The following PKHD1 variants were observed in gnomAD, a reference collection of about 807,000 sequenced individuals.
PKHD1 encodes PKHD1 ciliary IPT domain containing fibrocystin/polyductin, also known as fibrocystin.
A neutral mutation model predicts 412.0 loss-of-function variants in PKHD1; 291 were observed. The ratio of observed to expected loss-of-function variants is 0.71; its 90% CI spans 0.64 to 0.78. The LOEUF (loss-of-function observed/expected upper bound fraction) is 0.78, where lower values mean the gene tolerates loss of function less well. Among genes scored for constraint, PKHD1 ranks in the 30% least tolerant of loss-of-function variants. PKHD1 has a pLI of 0.00. For missense variants in PKHD1, 4,825 were observed against 4,950.7 expected, an observed-to-expected ratio of 0.97 and a Z score of 0.76; for synonymous variants, 1,777 against 1,821.5, an observed-to-expected ratio of 0.98 and a Z score of 0.62.
chr6:51,889,498 A>G (rs891384060), intron 43 of PKHD1, among the ~76,000 whole-genome samples: 6 of 152,246 alleles, frequency 3.9e-5, no homozygotes, highest in Non-Finnish European at 7.3e-5. Flanking sequence ...GATAAAAAAT[A>G]AAATATTTTA....
intron 60 of PKHD1, among the ~76,000 whole-genome samples, chr6:51,701,364 C>G (rs1047204663): frequency 1.3e-5 from 2 of 152,084 alleles, no homozygotes; most frequent in African/African-American, 2.4e-5. Flanking sequence ...GCCAGTCAAT[C>G]ATTCACAGAT....
At chr6:51,917,196 GA>G (rs1783958471) in intron 37 of PKHD1, among the ~76,000 whole-genome samples, 8 of 55,106 alleles carry the variant, frequency 1.5e-4, no homozygotes, top group African/African-American at 3.9e-4. Context: ...AGGTGGGGGG[GA>G]GAGAGAGAGA....
chr6:51,839,837 C>T (rs1769859845), intron 50 of PKHD1, among the ~76,000 whole-genome samples: 1 of 151,712 alleles, frequency 6.6e-6, no homozygotes, highest in African/African-American at 2.4e-5. Context: ...TCACTCAGGC[C>T]ACATTTATCT....
chr6:52,017,410 C>T lies in PKHD1; in HGVS notation c.5600G>A (p.Ser1867Asn). 1 of 1,603,458 alleles carries T rather than the reference C, an allele frequency of 6.2e-7. No individual in the cohort carries two copies. The highest frequency in any genetic ancestry group is 8.5e-7 in the Non-Finnish European group (1 of 1,170,272). The change falls in exon 34 of 67, where the codon AGC (serine) becomes AAC (asparagine). Residue 1867 changes from serine to asparagine, a missense_variant and splice_region_variant. By Grantham distance (46) the Ser-to-Asn change is conservative (BLOSUM62 1). Transcript: ENST00000371117. ...MFPSFSGLFI[S>N]PKLERDEVLI... is the part of the protein sequence containing the mutation. ...TCAGGGAGGGAGAAGGTAAAGTTAC[C>T]TGATAAAGAGGCCCGAGAATGATGG... is the stretch of plus-strand genomic sequence containing the variant.
intron 60 of PKHD1, among the ~76,000 whole-genome samples, chr6:51,707,198 A>G (rs79958208): frequency 0.014 from 2,070 of 152,314 alleles, 44 homozygotes; most frequent in South Asian, 0.062. Context: ...CACTGTCCCA[A>G]GAAAGAATGT....
At chr6:51,739,097 T>G (rs1324074663) in intron 60 of PKHD1, among the ~76,000 whole-genome samples, 1 of 147,776 alleles carries the variant, frequency 6.8e-6, no homozygotes. Flanking sequence ...TTAATATGTA[T>G]TTTATATATA....
chr6:51,713,566 G>A (rs1780898321), intron 60 of PKHD1, among the ~76,000 whole-genome samples: 1 of 152,184 alleles, frequency 6.6e-6, no homozygotes, highest in East Asian at 1.9e-4. Context: ...GATTTTTGCA[G>A]ATTTATATCT....
At chr6:51,871,477 A>G (rs9395737) in intron 46 of PKHD1, among the ~76,000 whole-genome samples, 79,177 of 115,856 alleles carry the variant, frequency 0.68, 34,043 homozygotes, top group East Asian at 0.91. Flanking sequence ...AGGCAAAACT[A>G]TAGTGACAGA....
intron 34 of PKHD1, among the ~76,000 whole-genome samples, chr6:52,011,142 C>T (rs926024615): frequency 2.0e-5 from 3 of 152,164 alleles, no homozygotes; most frequent in Non-Finnish European, 2.9e-5. Flanking sequence ...AGTCCTCTTG[C>T]TTTAAGGGGA....
At chr6:51,773,071 TAA>T (rs1384322168) in intron 54 of PKHD1, among the ~76,000 whole-genome samples, 1 of 152,048 alleles carries the variant, frequency 6.6e-6, no homozygotes. Flanking sequence ...CTCTAATGAC[TAA>T]AGTTGAAGAG....
intron 50 of PKHD1, 113 bp downstream of exon 50, chr6:51,847,662 C>A: frequency 1.2e-6 from 1 of 821,256 alleles, no homozygotes; most frequent in Non-Finnish European, 2.1e-6. Flanking sequence ...CCATAACACA[C>A]AGCTGTCCCT....
rs1269914072 is a variant in PKHD1 at position 51,791,353 on chromosome 6, T to C, written c.8323A>G (p.Thr2775Ala). ...AGCCCTTTGAAGAATGGAAGATCTGTATCCACAAGGACAGTTCTGTCTGTG... is the reference window on the plus strand; with the variant it reads ...AGCCCTTTGAAGAATGGAAGATCTGCATCCACAAGGACAGTTCTGTCTGTG... ...ILPNRTVLVD[T>A]DLPFFKGLYV... Residue 2775 changes from threonine (T) to alanine (A), a missense_variant, in exon 53 of 67, where the codon ACA becomes GCA. By Grantham distance (58) the Thr-to-Ala change is moderately conservative (BLOSUM62 0). Transcript: ENST00000371117. 1 of 1,613,694 alleles carries C rather than the reference T, an allele frequency of 6.2e-7. No homozygotes were observed.
At position 51,615,566 on chromosome 6, in the gene PKHD1, CAG is replaced by C. The variant is rs2150226897; in HGVS notation, c.*3513_*3514del. On this transcript the variant is annotated 3_prime_UTR_variant, in exon 67 of 67. Transcript: ENST00000371117. ...TATGGAATGCATGAATTTTAAATGA[CAG>C]AATTAATTAAAATTCTTTACTGTTA... 1 of 152,222 alleles carries C rather than the reference CAG, an allele frequency of 6.6e-6. No homozygotes were observed. The highest frequency in any genetic ancestry group is 2.4e-5 in the African/African-American group (1 of 41,534). The allele number at this position is 152,222 out of a possible 1,614,324, so 9.4% of individuals were successfully genotyped here.
chr6:51,902,154 T>C (rs1441071263), intron 43 of PKHD1, among the ~76,000 whole-genome samples: 1 of 152,182 alleles, frequency 6.6e-6, no homozygotes, highest in African/African-American at 2.4e-5. Context: ...GCATTTGATG[T>C]AGTCAACATT....
At chr6:51,621,270 A>G (rs1766582413) in intron 66 of PKHD1, among the ~76,000 whole-genome samples, 2 of 152,172 alleles carry the variant, frequency 1.3e-5, no homozygotes, top group South Asian at 4.1e-4. Flanking sequence ...CCAAGCACTG[A>G]GCTGGGCATC....
intron 60 of PKHD1, among the ~76,000 whole-genome samples, chr6:51,676,474 T>C (rs538662699): frequency 1.3e-5 from 2 of 152,316 alleles, no homozygotes; most frequent in South Asian, 4.1e-4. Context: ...TTTTTAGCCA[T>C]TTTGTAATAT....
Position 51,747,895 on chromosome 6 carries a change from T to A in PKHD1, c.9721A>T (p.Ile3241Phe). ...GTGAATACAGGCCACAGAATACCAA[T>A]TCGACCTCCTCTTGGATTGGAGGGA... ...RAPSNPRGGR[I>F]GILWPVFTSE... is the part of the protein sequence containing the mutation. The change falls in exon 58 of 67, where the codon ATT (isoleucine) becomes TTT (phenylalanine). Residue 3241 changes from isoleucine (I) to phenylalanine (F), a missense_variant. By Grantham distance (21) the Ile-to-Phe change is conservative. Transcript: ENST00000371117. The A allele has an allele frequency of 6.2e-7, 1 of 1,614,038 alleles. No homozygotes were observed. The highest frequency in any genetic ancestry group is 1.3e-5 in the African/African-American group (1 of 75,034).
Position 52,022,837 on chromosome 6 carries a change from C to T in PKHD1, c.5344G>A (p.Val1782Met). The T allele has an allele frequency of 6.2e-7, 1 of 1,614,148 alleles. No homozygotes were observed. The highest frequency in any genetic ancestry group is 1.1e-5 in the South Asian group (1 of 91,084). ...APCRVLANAT[V>M]SAFSCLVLPL... is the part of the protein sequence containing the mutation. ...AGAACCAAGCAGCTGAAGGCAGACA[C>T]TGTAGCATTAGCCAGGACTCGGCAG... The change falls in exon 33 of 67, where the codon GTG becomes ATG. Residue 1782 changes from valine to methionine, a missense_variant. By Grantham distance (21) the Val-to-Met change is conservative. Transcript: ENST00000371117.
intron 52 of PKHD1, among the ~76,000 whole-genome samples, chr6:51,814,524 T>G (rs1013696326): frequency 4.6e-5 from 7 of 152,168 alleles, no homozygotes; most frequent in African/African-American, 1.7e-4. Flanking sequence ...AAACAGAAGA[T>G]CCACAAGCTG....
Sources: allele counts gnomAD v4.1 joint callset (sites outside exome capture counted in the v4.1 genomes callset), GRCh38; gene constraint gnomAD v4.1.1; transcripts MANE v1.5; gene names NCBI Gene and HGNC (gene_info 2026-07-23, HGNC 2026-07-21).